Variants in SPRYD7 observed in about 807,000 individuals in gnomAD.
The protein encoded by SPRYD7 is SPRY domain-containing protein 7.
A neutral mutation model predicts 23.8 loss-of-function variants in SPRYD7; 14 were observed. The observed-to-expected ratio is 0.59, with a 90% CI of 0.39 to 0.92. SPRYD7 has a LOEUF of 0.92. Ranked by LOEUF, SPRYD7 falls within the 40% of genes least tolerant of loss-of-function variation. SPRYD7 has a pLI of 0.00. For synonymous variants in SPRYD7, 75 were observed against 84.9 expected, an observed-to-expected ratio of 0.88 and a Z score of 0.64; for missense variants, 194 against 241.7, an observed-to-expected ratio of 0.80 and a Z score of 1.31.
At chr13:49,936,037 G>A in intron 1 of SPRYD7, 93 bp downstream of exon 1, 1 of 732,182 alleles carries the variant, frequency 1.4e-6, no homozygotes, top group Non-Finnish European at 2.0e-6. Context: ...GGCGCGGCGG[G>A]GCAGCGTGGG....
intron 1 of SPRYD7, 35 bp from the exon 2 acceptor site, chr13:49,931,169 G>A: frequency 1.4e-6 from 2 of 1,383,174 alleles, no homozygotes; most frequent in Non-Finnish European, 2.0e-6. Context: ...GTAAAGTTTT[G>A]TATTTTCTTT....
intron 1 of SPRYD7, among the ~76,000 whole-genome samples, chr13:49,931,409 T>C (rs937022749): frequency 6.6e-6 from 1 of 152,178 alleles, no homozygotes; most frequent in Non-Finnish European, 1.5e-5. Context: ...CTTGAATTCC[T>C]GACCTCGTGA....
At chr13:49,927,874 A>C (rs984417904) in intron 3 of SPRYD7, 45 bp downstream of exon 3, 52 of 1,600,478 alleles carry the variant, frequency 3.2e-5, no homozygotes, top group Non-Finnish European at 4.2e-5. Context: ...AAGCAGTTCA[A>C]ATTTAGTCAT....
At chr13:49,916,167 C>T (rs936650190) in intron 4 of SPRYD7, among the ~76,000 whole-genome samples, 3 of 152,032 alleles carry the variant, frequency 2.0e-5, no homozygotes, top group African/African-American at 7.3e-5. Context: ...AGTAAATAAT[C>T]AGCACTGCCA....
At chr13:49,933,267 T>A (rs943707347) in intron 1 of SPRYD7, among the ~76,000 whole-genome samples, 3 of 152,166 alleles carry the variant, frequency 2.0e-5, no homozygotes, top group African/African-American at 7.2e-5. Flanking sequence ...CCTAATCAAC[T>A]ACAATCAGAA....
At chr13:49,924,031 G>A (rs1594513183) in intron 3 of SPRYD7, among the ~76,000 whole-genome samples, 2 of 150,606 alleles carry the variant, frequency 1.3e-5, no homozygotes, top group South Asian at 4.2e-4. Context: ...CGCCTAGGCT[G>A]GAGTGCAATG....
At chr13:49,915,203 C>T (rs1037373143) in intron 4 of SPRYD7, 43 bp from the exon 5 acceptor site, 23 of 920,450 alleles carry the variant, frequency 2.5e-5, no homozygotes, top group South Asian at 3.5e-5. Context: ...GAAGCAAATA[C>T]TTTAATTTCA....
chr13:49,932,606 C>A (rs2138241437), intron 1 of SPRYD7, among the ~76,000 whole-genome samples: 1 of 152,284 alleles, frequency 6.6e-6, no homozygotes, highest in East Asian at 1.9e-4. Flanking sequence ...CCACTACCAC[C>A]ACTTTGCTGG....
intron 1 of SPRYD7, among the ~76,000 whole-genome samples, chr13:49,935,055 C>T (rs904721643): frequency 6.6e-6 from 1 of 152,074 alleles, no homozygotes; most frequent in African/African-American, 2.4e-5. Context: ...TTTGGGAGAT[C>T]TGAGAATTAA....
At chr13:49,935,557 T>C (rs1871584565) in intron 1 of SPRYD7, 1 of 152,214 alleles carries the variant, frequency 6.6e-6, no homozygotes, top group African/African-American at 2.4e-5. Flanking sequence ...TTACAGTACC[T>C]CTCACAATGA....
In SPRYD7 at chr13:49,931,119, A is replaced by G; in HGVS notation, c.122T>C (p.Ile41Thr). The change falls in exon 2 of 5, where the codon ATT (isoleucine) becomes ACT (threonine). Residue 41 changes from isoleucine to threonine, a missense_variant. Physicochemically the swap from Ile to Thr is moderately conservative, Grantham distance 89. Transcript: ENST00000361840. ...DTQHMGTDVV[I>T]VKNGRRICGT... ...ACATATTCTTCTTCCATTCTTTACAATAACAACATCTGTTCCTAAACAAAA... is the reference window on the plus strand; with the variant it reads ...ACATATTCTTCTTCCATTCTTTACAGTAACAACATCTGTTCCTAAACAAAA... 1 of 1,609,308 alleles carries G rather than the reference A, an allele frequency of 6.2e-7. No individual in the cohort carries two copies. Among genetic ancestry groups the G allele is most frequent in the South Asian group, 1.1e-5 (1 of 90,694 alleles).
At chr13:49,924,158 A>AT (rs1317378751) in intron 3 of SPRYD7, among the ~76,000 whole-genome samples, 3 of 150,578 alleles carry the variant, frequency 2.0e-5, no homozygotes, top group African/African-American at 7.3e-5. Context: ...AATTTTTTGT[A>AT]TTTTTTTTAG....
rs1384659432 is a variant in SPRYD7 at position 49,913,676 on chromosome 13, C to T, written c.*1387G>A. The T allele has an allele frequency of 6.6e-6, 1 of 151,966 alleles. No individual in the cohort carries two copies. Among genetic ancestry groups the T allele is most frequent in the Admixed American group, 6.6e-5 (1 of 15,250 alleles). 9.4% of individuals were successfully genotyped at this position (151,966 alleles called of 1,614,324 possible). On this transcript the variant is annotated 3_prime_UTR_variant, in exon 5 of 5. Transcript: ENST00000361840. Reference sequence around the variant, plus strand: ...TAGCTAGAACTACAGGCGCCCGCCACCACACCTGGCTAATTTTTTTTGTAT... The same window carrying T: ...TAGCTAGAACTACAGGCGCCCGCCATCACACCTGGCTAATTTTTTTTGTAT...
Position 49,936,314 on chromosome 13 carries a change from C to A in SPRYD7, c.-79G>T. On this transcript the variant is annotated 5_prime_UTR_variant, in exon 1 of 5. Transcript: ENST00000361840. Reference sequence around the variant, plus strand: ...CCCGCCGCTCAGCTCCGTCTCCTGCCCCCGCCCGAGGTCCGGACTTGTCTA... The same window carrying A: ...CCCGCCGCTCAGCTCCGTCTCCTGCACCCGCCCGAGGTCCGGACTTGTCTA... 9.3e-7 allele frequency: 1 copy of A among 1,069,964 alleles called. No homozygotes were observed. The highest frequency in any genetic ancestry group is 1.5e-5 in the South Asian group (1 of 65,630). The allele number at this position is 1,069,964 out of a possible 1,614,324, so 66.3% of individuals were successfully genotyped here. A position where few individuals can be genotyped will look rare whatever the true frequency, so the allele number is the denominator to read the frequency against.
In SPRYD7 at chr13:49,915,171, C is replaced by A; in HGVS notation, c.494-11G>T. 1.5e-6 allele frequency: 2 copies of A among 1,362,734 alleles called. No individual in the cohort carries two copies. The highest frequency in any genetic ancestry group is 4.9e-5 in the East Asian group (2 of 41,062). The allele number at this position is 1,362,734 out of a possible 1,614,324, so 84.4% of individuals were successfully genotyped here. A position where few individuals can be genotyped will look rare whatever the true frequency, so the allele number is the denominator to read the frequency against. On this transcript the variant is annotated splice_polypyrimidine_tract_variant and intron_variant, in intron 4 of 4. Transcript: ENST00000361840. The stretch of plus-strand genomic sequence containing the variant: ...TTGCACTGTCATCAACTAAAGGATA[C>A]AAAAAGAAAGAAAATAAATTAGAAG...
At chr13:49,916,946 T>C (rs896712506) in intron 4 of SPRYD7, among the ~76,000 whole-genome samples, 5 of 152,248 alleles carry the variant, frequency 3.3e-5, no homozygotes, top group Middle Eastern at 3.4e-3. Context: ...CACTTGTGAT[T>C]GCCTGTTTTT....
chr13:49,924,811 TAAAAACAC>T (rs1955860357), intron 3 of SPRYD7, among the ~76,000 whole-genome samples: 1 of 150,214 alleles, frequency 6.7e-6, no homozygotes, highest in South Asian at 2.1e-4. Flanking sequence ...CTGTCTCTAC[TAAAAACAC>T]AAAAAAATTA....
intron 3 of SPRYD7, among the ~76,000 whole-genome samples, chr13:49,923,756 A>T (rs969625284): frequency 6.6e-6 from 1 of 151,048 alleles, no homozygotes; most frequent in African/African-American, 2.4e-5. Context: ...AGCCTCCCGA[A>T]GTGCAGGGAT....
chr13:49,934,700 G>C (rs1203083421), intron 1 of SPRYD7, among the ~76,000 whole-genome samples: 1 of 152,150 alleles, frequency 6.6e-6, no homozygotes, highest in South Asian at 2.1e-4. Flanking sequence ...AGTGGAATGA[G>C]TATATCTGAC....
Sources: gnomAD v4.1 joint callset for allele counts (sites outside exome capture counted in the v4.1 genomes callset) on GRCh38, gnomAD v4.1.1 for gene constraint, MANE v1.5 for transcripts, NCBI Gene and HGNC (gene_info 2026-07-23, HGNC 2026-07-21) for gene names.